The following PCSK5 variants were observed in gnomAD, a reference collection of about 807,000 sequenced individuals.
PCSK5 encodes the protein prohormone convertase 5.
In PCSK5, 129 loss-of-function variants were observed where a neutral mutation model predicts 233.2. That is an observed-to-expected ratio of 0.55 (90% CI 0.48 to 0.64). The LOEUF is 0.64. Ranked by LOEUF, PCSK5 falls within the 30% of genes least tolerant of loss-of-function variation. The pLI, the probability that PCSK5 is intolerant of heterozygous loss-of-function variation, is 0.00. For missense variants in PCSK5, 2,076 were observed against 2,430.1 expected, an observed-to-expected ratio of 0.85 and a Z score of 3.06; for synonymous variants, 825 against 879.2, an observed-to-expected ratio of 0.94 and a Z score of 1.09.
chr9:76,273,564 A>ATATATATATATATATATATAT (rs1564148799), intron 24 of PCSK5, among the ~76,000 whole-genome samples: 3 of 74,860 alleles, frequency 4.0e-5, no homozygotes, highest in African/African-American at 1.5e-4. Flanking sequence ...ACAAAATAGT[A>ATATATATATATATATATATAT]ATATATATAT....
intron 20 of PCSK5, among the ~76,000 whole-genome samples, chr9:76,208,374 T>G (rs1825204037): frequency 6.6e-6 from 1 of 152,158 alleles, no homozygotes; most frequent in Non-Finnish European, 1.5e-5. Context: ...AAAGAGGCCC[T>G]TCTCAGTATT....
At chr9:76,193,700 AT>A (rs71499135) in intron 20 of PCSK5, 1 of 180,588 alleles carries the variant, frequency 5.5e-6, no homozygotes, top group Non-Finnish European at 1.1e-5. Flanking sequence ...TTGAAGGTCC[AT>A]TTTTTTCCCT....
chr9:75,908,913 ATCTATCTATCTCTCTATCTC>A (rs1361610813), intron 1 of PCSK5, among the ~76,000 whole-genome samples: 6 of 121,750 alleles, frequency 4.9e-5, no homozygotes, highest in African/African-American at 1.2e-4. Context: ...CTATCTATCT[ATCTATCTATCTCTCTATCTC>A]TCTCTCTGTC....
intron 24 of PCSK5, among the ~76,000 whole-genome samples, chr9:76,249,541 A>G (rs752962213): frequency 9.9e-5 from 15 of 152,184 alleles, no homozygotes; most frequent in Non-Finnish European, 1.6e-4. Flanking sequence ...AAGCTACAAT[A>G]CCCCAGCAGC....
At chr9:76,291,472 C>A (rs1444520109) in intron 24 of PCSK5, among the ~76,000 whole-genome samples, 2 of 152,108 alleles carry the variant, frequency 1.3e-5, no homozygotes, top group Non-Finnish European at 2.9e-5. Flanking sequence ...AAAGAACCTG[C>A]CAGAGGTAGC....
intron 24 of PCSK5, among the ~76,000 whole-genome samples, chr9:76,270,059 A>G (rs1827461450): frequency 6.6e-6 from 1 of 151,960 alleles, no homozygotes; most frequent in Admixed American, 6.5e-5. Flanking sequence ...AAAGTGAATC[A>G]CACAGGATGT....
intron 24 of PCSK5, among the ~76,000 whole-genome samples, chr9:76,273,938 G>C (rs1369434851): frequency 6.6e-6 from 1 of 150,420 alleles, no homozygotes; most frequent in Non-Finnish European, 1.5e-5. Context: ...ATGAGCCACT[G>C]TGCCCAGCCA....
intron 5 of PCSK5, among the ~76,000 whole-genome samples, chr9:76,065,823 C>A (rs1041658770): frequency 6.6e-6 from 1 of 151,222 alleles, no homozygotes; most frequent in Admixed American, 6.6e-5. Context: ...ATATAGGGTG[C>A]GAGGTGGATG....
At chr9:76,334,993 G>T (rs1384496546) in intron 34 of PCSK5, among the ~76,000 whole-genome samples, 1 of 152,108 alleles carries the variant, frequency 6.6e-6, no homozygotes, top group Admixed American at 6.6e-5. Context: ...CATGAGAATT[G>T]CTTGAACCTT....
chr9:76,132,028 A>G (rs10121047), intron 9 of PCSK5, among the ~76,000 whole-genome samples: 74,232 of 151,880 alleles, frequency 0.49, 18,405 homozygotes, highest in Admixed American at 0.53. Context: ...AGTGGCTAGA[A>G]TGTCTTTCTG....
At chr9:76,172,688 T>G (rs1823379016) in intron 13 of PCSK5, among the ~76,000 whole-genome samples, 1 of 152,228 alleles carries the variant, frequency 6.6e-6, no homozygotes, top group Admixed American at 6.5e-5. Flanking sequence ...ATTTGTACAC[T>G]TGAGAGATGC....
At chr9:76,234,831 A>G (rs1037424729) in intron 22 of PCSK5, among the ~76,000 whole-genome samples, 5 of 152,208 alleles carry the variant, frequency 3.3e-5, no homozygotes, top group Non-Finnish European at 7.3e-5. Context: ...GTAGCTGCTT[A>G]GTCTTTTGAG....
At chr9:76,069,111 A>G (rs1003156433) in intron 6 of PCSK5, among the ~76,000 whole-genome samples, 2 of 152,120 alleles carry the variant, frequency 1.3e-5, no homozygotes, top group African/African-American at 4.8e-5. Flanking sequence ...TATGAGTATG[A>G]TAGTTTGTTA....
chr9:75,892,192 G>C (rs1825639697), intron 1 of PCSK5, among the ~76,000 whole-genome samples: 1 of 152,216 alleles, frequency 6.6e-6, no homozygotes, highest in Admixed American at 6.5e-5. Context: ...GTTTTTGTGG[G>C]GTGCCGCTCT....
chr9:76,234,273 G>C (rs1404399453), intron 22 of PCSK5, among the ~76,000 whole-genome samples: 2 of 151,980 alleles, frequency 1.3e-5, no homozygotes, highest in Non-Finnish European at 2.9e-5. Context: ...AAAACTTGAG[G>C]GTTTAATGTC....
intron 3 of PCSK5, among the ~76,000 whole-genome samples, chr9:76,011,181 C>A (rs1165387069): frequency 6.6e-6 from 1 of 152,198 alleles, no homozygotes; most frequent in African/African-American, 2.4e-5. Flanking sequence ...TTTTCTTGCT[C>A]ATTATACTCC....
At position 76,302,201 on chromosome 9, in the gene PCSK5, A is replaced by G; in HGVS notation, c.3588A>G (p.Lys1196=). 7.4e-7 allele frequency: 1 copy of G among 1,353,254 alleles called. No homozygotes were observed. The highest frequency in any genetic ancestry group is 9.9e-7 in the Non-Finnish European group (1 of 1,014,248). The allele number at this position is 1,353,254 out of a possible 1,614,324, so 83.8% of individuals were successfully genotyped here. Residue 1196 remains lysine, a synonymous_variant, in exon 28 of 38, where the codon AAA becomes AAG. Transcript: ENST00000674117. ...KSLLQERRRW[K]VQIKRDILRK... ...TGCTGCAGGAGCGACGAAGGTGGAAAGTTCAAATCAAAAGAGGTAACAGGG... is the reference window on the plus strand; with the variant it reads ...TGCTGCAGGAGCGACGAAGGTGGAAGGTTCAAATCAAAAGAGGTAACAGGG...
chr9:75,908,852 T>TCC (rs1016765460), intron 1 of PCSK5, among the ~76,000 whole-genome samples: 3 of 151,560 alleles, frequency 2.0e-5, no homozygotes, highest in Admixed American at 2.0e-4. Flanking sequence ...CCATCCGCCA[T>TCC]CCATGCATCC....
At chr9:75,960,791 C>T (rs943720250) in intron 2 of PCSK5, among the ~76,000 whole-genome samples, 1 of 152,130 alleles carries the variant, frequency 6.6e-6, no homozygotes, top group Non-Finnish European at 1.5e-5. Flanking sequence ...GAGGCTCTGC[C>T]ATAAATTATA....
Sources: gnomAD v4.1 joint callset for allele counts (sites outside exome capture counted in the v4.1 genomes callset) on GRCh38, gnomAD v4.1.1 for gene constraint, MANE v1.5 for transcripts, NCBI Gene and HGNC (gene_info 2026-07-23, HGNC 2026-07-21) for gene names.